CNOT6: variants seen among roughly 807,000 people sequenced by gnomAD.
CNOT6 encodes the protein CCR4-NOT transcription complex subunit 6, also known as carbon catabolite repression 4 protein.
Under a neutral mutation model 61.2 loss-of-function variants are expected in CNOT6, and 12 were observed. That is an observed-to-expected ratio of 0.20 (90% CI 0.13 to 0.32). The LOEUF (loss-of-function observed/expected upper bound fraction) is 0.32, where lower values mean the gene tolerates loss of function less well. Among genes scored for constraint, CNOT6 ranks in the 10% least tolerant of loss-of-function variants. The probability of loss-of-function intolerance (pLI) is 1.00; values close to 1 mark genes in which losing one functional copy is unlikely to be tolerated. For missense variants in CNOT6, 405 were observed against 663.9 expected, an observed-to-expected ratio of 0.61 and a Z score of 4.28; for synonymous variants, 225 against 240.6, an observed-to-expected ratio of 0.94 and a Z score of 0.60.
At chr5:180,515,378 T>G (rs1757588391) in intron 1 of CNOT6, among the ~76,000 whole-genome samples, 2 of 152,156 alleles carry the variant, frequency 1.3e-5, no homozygotes, top group African/African-American at 4.8e-5. Context: ...TGTCTCAAAG[T>G]CTTAGAACTA....
rs1757360928 is a variant in CNOT6 at position 180,510,911 on chromosome 5, T to G, written c.-3+16148T>G. Among the ~76,000 whole-genome samples the G allele has an allele frequency of 2.0e-5, 3 of 152,252 alleles. No homozygotes were observed. The South Asian group carries it at 6.2e-4, about 32-fold the overall frequency. ...TCTCCATCTCCCGGGTTCAAGCTAT[T>G]CTCTTGCCTCAGCCTTCTGAGTAGC... On this transcript the variant is annotated intron_variant, in intron 1 of 11. Transcript: ENST00000261951.
chr5:180,553,528 G>A (rs2127748627), intron 4 of CNOT6, 57 bp downstream of exon 4: 4 of 1,259,938 alleles, frequency 3.2e-6, no homozygotes, highest in South Asian at 2.5e-5. Flanking sequence ...TGAATCTAAA[G>A]AAGCCAAGAA....
intron 4 of CNOT6, among the ~76,000 whole-genome samples, chr5:180,561,748 A>G (rs1382389037): frequency 6.6e-6 from 1 of 152,138 alleles, no homozygotes; most frequent in Non-Finnish European, 1.5e-5. Flanking sequence ...TGGAGGTGGT[A>G]GTTTTGGCTC....
chr5:180,523,020 A>G (rs1259033111), intron 1 of CNOT6, among the ~76,000 whole-genome samples: 1 of 152,148 alleles, frequency 6.6e-6, no homozygotes, highest in East Asian at 1.9e-4. Flanking sequence ...TTGTGTCTGA[A>G]GAAGAGAGGG....
At chr5:180,571,078 T>G in intron 10 of CNOT6, 152 bp from the exon 11 acceptor site, 1 of 622,608 alleles carries the variant, frequency 1.6e-6, no homozygotes. Context: ...GACAACTGTG[T>G]AAAAATAGAT....
chr5:180,536,637 A>T (rs1758714040), intron 2 of CNOT6, among the ~76,000 whole-genome samples: 1 of 151,370 alleles, frequency 6.6e-6, no homozygotes, highest in Non-Finnish European at 1.5e-5. Context: ...TGGAGACAGG[A>T]TCTCACTTTG....
intron 1 of CNOT6, among the ~76,000 whole-genome samples, chr5:180,524,497 G>A (rs191614860): frequency 2.0e-5 from 3 of 151,810 alleles, no homozygotes; most frequent in Admixed American, 2.0e-4. Context: ...AAATAGAGAA[G>A]CACTGAAGAG....
intron 1 of CNOT6, among the ~76,000 whole-genome samples, chr5:180,508,300 G>A (rs1757222030): frequency 6.6e-6 from 1 of 152,064 alleles, no homozygotes; most frequent in Admixed American, 6.6e-5. Context: ...CAGGATTGAA[G>A]ACCAAGATGA....
At chr5:180,554,580 T>C (rs1306049511) in intron 4 of CNOT6, among the ~76,000 whole-genome samples, 1 of 126,140 alleles carries the variant, frequency 7.9e-6, no homozygotes, top group African/African-American at 2.8e-5. Flanking sequence ...TCAACAGATA[T>C]CAACATTGTA....
intron 2 of CNOT6, among the ~76,000 whole-genome samples, chr5:180,531,193 C>T (rs868582525): frequency 1.4e-4 from 16 of 116,488 alleles, no homozygotes; most frequent in Middle Eastern, 4.2e-3. Flanking sequence ...CTGGCCGGGG[C>T]GGCTGCCAGG....
chr5:180,529,217 G>C, intron 1 of CNOT6, 58 bp from the exon 2 acceptor site: 1 of 846,414 alleles, frequency 1.2e-6, no homozygotes, highest in Non-Finnish European at 1.9e-6. Flanking sequence ...AAAAAAAGGT[G>C]TTGTGGCTTT....
chr5:180,553,575 C>A, intron 4 of CNOT6, 104 bp downstream of exon 4: 1 of 775,870 alleles, frequency 1.3e-6, no homozygotes. Flanking sequence ...GACTCATTTT[C>A]CCCCAGACTT....
In CNOT6 at chr5:180,578,280, G is replaced by A. The variant is rs1022026820; in HGVS notation, c.*4080G>A. On this transcript the variant is annotated 3_prime_UTR_variant, in exon 12 of 12. Coordinates refer to ENST00000261951, the MANE Select transcript of CNOT6 (RefSeq NM_001370472.1). ...TGTTACCTTATACCTCATGATATAA[G>A]GAATGGGCTCATGTGTCTTCCGTCT... The A allele has an allele frequency of 6.6e-6, 1 of 152,606 alleles. No homozygotes were observed. The highest frequency in any genetic ancestry group is 2.4e-5 in the African/African-American group (1 of 41,426). 9.5% of individuals were successfully genotyped at this position (152,606 alleles called of 1,614,324 possible). A position where few individuals can be genotyped will look rare whatever the true frequency, so the allele number is the denominator to read the frequency against.
chr5:180,531,728 A>G (rs1758393289), intron 2 of CNOT6, among the ~76,000 whole-genome samples: 1 of 152,238 alleles, frequency 6.6e-6, no homozygotes, highest in African/African-American at 2.4e-5. Flanking sequence ...TCCGTCTGTA[A>G]TCCCGGCACC....
At chr5:180,552,735 T>TC (rs922921214) in intron 3 of CNOT6, among the ~76,000 whole-genome samples, 4 of 152,014 alleles carry the variant, frequency 2.6e-5, no homozygotes, top group Non-Finnish European at 4.4e-5. Context: ...TCCCCGCGTG[T>TC]CCCCCCGGCT....
intron 7 of CNOT6, among the ~76,000 whole-genome samples, 192 bp from the exon 8 acceptor site, chr5:180,566,896 C>T (rs1343129408): frequency 1.3e-5 from 2 of 151,792 alleles, no homozygotes; most frequent in African/African-American, 4.8e-5. Flanking sequence ...TCTAGTGATC[C>T]GCCCGCCTCG....
intron 2 of CNOT6, among the ~76,000 whole-genome samples, chr5:180,549,425 A>G (rs376052055): frequency 7.9e-5 from 12 of 152,158 alleles, no homozygotes; most frequent in African/African-American, 1.7e-4. Context: ...CAAGGCGGGC[A>G]GATCACAAGG....
intron 4 of CNOT6, among the ~76,000 whole-genome samples, chr5:180,555,008 T>C (rs1461104878): frequency 2.0e-5 from 3 of 151,690 alleles, no homozygotes; most frequent in Admixed American, 1.3e-4. Flanking sequence ...GTCACAAATT[T>C]GCTTTTTTTT....
intron 1 of CNOT6, among the ~76,000 whole-genome samples, chr5:180,528,697 T>G (rs1758210760): frequency 6.6e-6 from 1 of 152,218 alleles, no homozygotes; most frequent in Non-Finnish European, 1.5e-5. Flanking sequence ...TCATGATGAC[T>G]CAGTTGCAGT....
Sources: gnomAD v4.1 joint callset for allele counts (sites outside exome capture counted in the v4.1 genomes callset) on GRCh38, gnomAD v4.1.1 for gene constraint, MANE v1.5 for transcripts, NCBI Gene and HGNC (gene_info 2026-07-23, HGNC 2026-07-21) for gene names.